Variants in LRRN2 observed in about 807,000 individuals in gnomAD.
LRRN2 encodes leucine-rich repeat neuronal protein 2.
Under a neutral mutation model 35.7 loss-of-function variants are expected in LRRN2, and 10 were observed. The ratio of observed to expected loss-of-function variants is 0.28; its 90% confidence interval spans 0.17 to 0.47. The LOEUF (loss-of-function observed/expected upper bound fraction) is 0.47. Among genes scored for constraint, LRRN2 ranks in the 20% least tolerant of loss-of-function variants. LRRN2 has a pLI of 0.99. For synonymous variants in LRRN2, 391 were observed against 409.6 expected, an observed-to-expected ratio of 0.95 and a Z score of 0.55; for missense variants, 731 against 940.3, an observed-to-expected ratio of 0.78 and a Z score of 2.91.
chr1:204,681,069 G>A (rs768417763), intron 1 of LRRN2, among the ~76,000 whole-genome samples: 9 of 151,494 alleles, frequency 5.9e-5, no homozygotes, highest in African/African-American at 1.2e-4. Context: ...TGATTCTCCC[G>A]CCTCAGCCTC....
intron 1 of LRRN2, among the ~76,000 whole-genome samples, chr1:204,651,768 G>T (rs903163573): frequency 1.3e-5 from 2 of 152,166 alleles, no homozygotes; most frequent in Non-Finnish European, 2.9e-5. Flanking sequence ...GGGCTGCTGG[G>T]GAATCGCTCA....
intron 1 of LRRN2, among the ~76,000 whole-genome samples, chr1:204,643,110 C>T (rs1261317911): frequency 6.6e-6 from 1 of 152,238 alleles, no homozygotes; most frequent in Non-Finnish European, 1.5e-5. Flanking sequence ...GTTGCCAACA[C>T]ACTCTTCTAA....
intron 1 of LRRN2, among the ~76,000 whole-genome samples, chr1:204,645,222 A>T (rs536477795): frequency 8.5e-4 from 130 of 152,362 alleles, no homozygotes; most frequent in African/African-American, 2.9e-3. Flanking sequence ...GAGGCATACA[A>T]TAAGTTGCAC....
rs141763834 is a variant in LRRN2, at chr1:204,618,768, G to A, written c.1225C>T (p.Arg409Cys). The A allele has an allele frequency of 4.7e-5, 76 of 1,613,224 alleles. No homozygotes were observed. The highest frequency in any genetic ancestry group is 5.0e-5 in the Non-Finnish European group (59 of 1,179,582). The change falls in exon 2 of 2, where the codon CGT (arginine) becomes TGT (cysteine). Residue 409 changes from arginine (R) to cysteine (C), a missense_variant. Arg to Cys is a radical substitution (Grantham distance 180). Around this residue, in one of 3 missense-constraint regions of LRRN2, gnomAD observed 256 missense variants for 392.4 expected, o/e 0.65. Coordinates refer to ENST00000367177, the MANE Select transcript of LRRN2 (RefSeq NM_201630.2). ...EPPDLQRLPVREVPFREMTDH... is the reference protein window; with the variant it reads ...EPPDLQRLPVCEVPFREMTDH... The stretch of plus-strand genomic sequence containing the variant: ...GTCATCTCCCGGAAGGGCACCTCAC[G>A]GACCGGGAGGCGCTGGAGGTCCGGA...
At chr1:204,635,250 A>C (rs1178203800) in intron 1 of LRRN2, among the ~76,000 whole-genome samples, 1 of 152,158 alleles carries the variant, frequency 6.6e-6, no homozygotes, top group Non-Finnish European at 1.5e-5. Flanking sequence ...AGCGTTGGAC[A>C]ATATTATTTT....
At chr1:204,621,492 C>A (rs1185209071) in intron 1 of LRRN2, 9 of 167,192 alleles carry the variant, frequency 5.4e-5, no homozygotes. Context: ...CCTACTGTCA[C>A]AGTTCTGACC....
chr1:204,669,012 T>TG (rs1210714022), intron 1 of LRRN2, among the ~76,000 whole-genome samples: 1 of 152,170 alleles, frequency 6.6e-6, no homozygotes, highest in Non-Finnish European at 1.5e-5. Context: ...TTTGTAGAGA[T>TG]GGGGTCTCAC....
At chr1:204,649,951 T>C (rs1457679044) in intron 1 of LRRN2, among the ~76,000 whole-genome samples, 1 of 152,056 alleles carries the variant, frequency 6.6e-6, no homozygotes, top group Non-Finnish European at 1.5e-5. Flanking sequence ...TGACAAGGAG[T>C]GAGCCAGTAG....
At chr1:204,657,764 C>A (rs1433861453) in intron 1 of LRRN2, among the ~76,000 whole-genome samples, 1 of 152,058 alleles carries the variant, frequency 6.6e-6, no homozygotes, top group African/African-American at 2.4e-5. Context: ...TTTAAAAAGG[C>A]CCCATGATCT....
In LRRN2 at chr1:204,619,634, A is replaced by T; in HGVS notation, c.359T>A (p.Leu120Gln). 1 of 1,614,204 alleles carries T rather than the reference A, an allele frequency of 6.2e-7. No homozygotes were observed. The highest frequency in any genetic ancestry group is 8.5e-7 in the Non-Finnish European group (1 of 1,180,032). The change falls in exon 2 of 2, where the codon CTG becomes CAG. Residue 120 changes from leucine to glutamine, a missense_variant. Around this residue, in one of 3 missense-constraint regions of LRRN2, gnomAD observed 246 missense variants for 289.5 expected, o/e 0.85. Coordinates refer to ENST00000367177, the MANE Select transcript of LRRN2 (RefSeq NM_201630.2). ...CTGGTTCTCCTCTAGGTGCAGGCTC[A>T]GCAGCTGGGGCAGGGCATGGAAATC... ...DCDFHALPQL[L>Q]SLHLEENQLT...
At chr1:204,653,133 T>C (rs1032746465) in intron 1 of LRRN2, among the ~76,000 whole-genome samples, 6 of 152,232 alleles carry the variant, frequency 3.9e-5, no homozygotes, top group Non-Finnish European at 7.3e-5. Flanking sequence ...AATTGCGATT[T>C]TTGCCATTGA....
rs759704455 is a variant in LRRN2 at position 204,618,175 on chromosome 1, G to T, written c.1818C>A (p.Thr606=). 23 of 1,614,030 alleles carry T rather than the reference G, an allele frequency of 1.4e-5. No individual in the cohort carries two copies. Among genetic ancestry groups the T allele is most frequent in the East Asian group, 1.3e-4 (6 of 44,890 alleles). Residue 606 remains threonine (T), a synonymous_variant, in exon 2 of 2, where the codon ACC becomes ACA. Transcript: ENST00000367177. The part of the protein sequence containing the change: ...CLQVAFADAH[T]QLACVWARTK... ...TCCTGGCCCATACACAAGCCAACTGGGTGTGGGCATCAGCAAAGGCCACTT... is the reference window on the plus strand; with the variant it reads ...TCCTGGCCCATACACAAGCCAACTGTGTGTGGGCATCAGCAAAGGCCACTT...
Position 204,619,905 on chromosome 1 carries a change from G to A in LRRN2, c.88C>T (p.Pro30Ser), listed in dbSNP as rs537204264. The A allele has an allele frequency of 6.2e-7, 1 of 1,613,884 alleles. No individual in the cohort carries two copies. Among genetic ancestry groups the A allele is most frequent in the Non-Finnish European group, 8.5e-7 (1 of 1,179,976 alleles). ...VPVVPWHVPC[P>S]PQCACQIRPW... ...CGGATCTGGCAGGCACACTGAGGGG[G>A]GCAGGGAACATGCCAGGGTACCACG... is the stretch of plus-strand genomic sequence containing the variant. The change falls in exon 2 of 2, where the codon CCC (proline) becomes TCC (serine). Residue 30 changes from proline to serine, a missense_variant. Pro to Ser is a moderately conservative substitution (Grantham distance 74). Transcript: ENST00000367177.
chr1:204,636,040 T>G (rs930374652), intron 1 of LRRN2, among the ~76,000 whole-genome samples: 1 of 152,180 alleles, frequency 6.6e-6, no homozygotes, highest in Non-Finnish European at 1.5e-5. Context: ...GCCGGCCATC[T>G]CTGTTAATGT....
chr1:204,663,344 C>T (rs551749007), intron 1 of LRRN2, among the ~76,000 whole-genome samples: 28 of 152,338 alleles, frequency 1.8e-4, no homozygotes, highest in Non-Finnish European at 2.9e-5. Context: ...GCTTGGTTGA[C>T]TTGGCCGGAA....
intron 1 of LRRN2, among the ~76,000 whole-genome samples, chr1:204,657,416 A>G (rs1037547985): frequency 2.6e-5 from 4 of 152,154 alleles, no homozygotes; most frequent in Admixed American, 2.6e-4. Context: ...AACTACAAAA[A>G]GGAACGAAGT....
At chr1:204,678,946 T>G (rs1345486137) in intron 1 of LRRN2, among the ~76,000 whole-genome samples, 2 of 152,198 alleles carry the variant, frequency 1.3e-5, no homozygotes, top group Non-Finnish European at 2.9e-5. Flanking sequence ...GTCTGTCTGG[T>G]CATTCACTGC....
intron 1 of LRRN2, among the ~76,000 whole-genome samples, chr1:204,676,671 G>A (rs1446087207): frequency 6.6e-6 from 1 of 152,110 alleles, no homozygotes; most frequent in Non-Finnish European, 1.5e-5. Flanking sequence ...GTATAAACTG[G>A]CAGCTCATTC....
intron 1 of LRRN2, among the ~76,000 whole-genome samples, chr1:204,668,244 A>G (rs1269427206): frequency 6.6e-6 from 1 of 152,162 alleles, no homozygotes; most frequent in Non-Finnish European, 1.5e-5. Context: ...ACTACTGTGG[A>G]TAATTTGAAC....
Sources: allele counts gnomAD v4.1 joint callset (sites outside exome capture counted in the v4.1 genomes callset), GRCh38; gene constraint gnomAD v4.1.1; regional missense constraint gnomAD v4.1.1; transcripts MANE v1.5; gene names NCBI Gene and HGNC (gene_info 2026-07-23, HGNC 2026-07-21).